The following FGF10 variants were observed in gnomAD, a reference collection of about 807,000 sequenced individuals.
FGF10 encodes fibroblast growth factor 10, also known as FGF-10.
A neutral mutation model predicts 19.8 loss-of-function variants in FGF10; 2 were observed. That is an observed-to-expected ratio of 0.10 (90% CI 0.04 to 0.32). The LOEUF (loss-of-function observed/expected upper bound fraction) is 0.32, where lower values mean the gene tolerates loss of function less well. Among genes scored for constraint, FGF10 ranks in the 10% least tolerant of loss-of-function variants. The pLI, the probability that FGF10 is intolerant of heterozygous loss-of-function variation, is 1.00. For missense variants in FGF10, 191 were observed against 246.3 expected, an observed-to-expected ratio of 0.78 and a Z score of 1.50; for synonymous variants, 112 against 94.0, an observed-to-expected ratio of 1.19 and a Z score of -1.10.
chr5:44,381,871 C>A (rs556043475), intron 1 of FGF10, among the ~76,000 whole-genome samples: 22 of 152,226 alleles, frequency 1.4e-4, no homozygotes, highest in African/African-American at 4.3e-4. Flanking sequence ...AGTTGTGGTG[C>A]AATTATTAGG....
intron 1 of FGF10, among the ~76,000 whole-genome samples, chr5:44,352,196 C>T (rs1444161526): frequency 6.6e-6 from 1 of 151,568 alleles, no homozygotes; most frequent in Non-Finnish European, 1.5e-5. Context: ...CCACTTACAC[C>T]GTTAGCAGGG....
chr5:44,356,866 T>G (rs889855141), intron 1 of FGF10, among the ~76,000 whole-genome samples: 4 of 151,264 alleles, frequency 2.6e-5, no homozygotes, highest in Non-Finnish European at 5.9e-5. Context: ...TGATGCAGTA[T>G]TACCCAACTG....
At chr5:44,317,688 A>G (rs1740380942) in intron 1 of FGF10, among the ~76,000 whole-genome samples, 1 of 152,204 alleles carries the variant, frequency 6.6e-6, no homozygotes, top group South Asian at 2.1e-4. Context: ...TTTCTTCACA[A>G]CACTGTGCTA....
intron 1 of FGF10, among the ~76,000 whole-genome samples, chr5:44,338,161 C>T (rs1045033639): frequency 2.6e-4 from 40 of 152,012 alleles, no homozygotes; most frequent in African/African-American, 9.4e-4. Flanking sequence ...ATTTTATGCT[C>T]ACAATTCTAT....
At chr5:44,342,605 G>A (rs931832471) in intron 1 of FGF10, among the ~76,000 whole-genome samples, 1 of 151,768 alleles carries the variant, frequency 6.6e-6, no homozygotes, top group African/African-American at 2.4e-5. Flanking sequence ...ACCACAGGCA[G>A]GAGGAAGACA....
At chr5:44,353,800 T>TG (rs1741286637) in intron 1 of FGF10, among the ~76,000 whole-genome samples, 8 of 150,658 alleles carry the variant, frequency 5.3e-5, no homozygotes, top group African/African-American at 1.9e-4. Flanking sequence ...TGAAAAAAGC[T>TG]GGGGGGCGGG....
chr5:44,325,978 A>T (rs1740606083), intron 1 of FGF10, among the ~76,000 whole-genome samples: 1 of 152,228 alleles, frequency 6.6e-6, no homozygotes. Flanking sequence ...AGTCACTATT[A>T]TTCAATAGGT....
intron 1 of FGF10, among the ~76,000 whole-genome samples, chr5:44,381,317 A>C (rs1439542963): frequency 6.6e-6 from 1 of 152,210 alleles, no homozygotes; most frequent in Non-Finnish European, 1.5e-5. Flanking sequence ...TTTTATGCAA[A>C]ATAAAAACAA....
chr5:44,310,624 G>A (rs919673268), intron 1 of FGF10, 94 bp from the exon 2 acceptor site: 18 of 946,602 alleles, frequency 1.9e-5, no homozygotes, highest in Admixed American at 6.1e-5. Flanking sequence ...TGTTTTTTGT[G>A]TGGTTCTAAA....
chr5:44,353,175 A>T (rs1348609733), intron 1 of FGF10, among the ~76,000 whole-genome samples: 1 of 151,580 alleles, frequency 6.6e-6, no homozygotes, highest in Non-Finnish European at 1.5e-5. Flanking sequence ...TTCTTAGTTA[A>T]TATTAGATTC....
intron 1 of FGF10, among the ~76,000 whole-genome samples, chr5:44,347,513 A>G (rs1741115482): frequency 6.6e-6 from 1 of 151,724 alleles, no homozygotes; most frequent in Non-Finnish European, 1.5e-5. Flanking sequence ...GTTTAGCAAA[A>G]CTATATCCAT....
chr5:44,349,164 A>G (rs1485907027), intron 1 of FGF10, among the ~76,000 whole-genome samples: 1 of 150,266 alleles, frequency 6.7e-6, no homozygotes, highest in Non-Finnish European at 1.5e-5. Flanking sequence ...CCCCTCTCCC[A>G]CTTTCTACTT....
Position 44,334,183 on chromosome 5 carries a change from A to AT in FGF10, c.326-23654dup, listed in dbSNP as rs561270475. Among the ~76,000 whole-genome samples, 14 of 152,060 alleles carry AT rather than the reference A, an allele frequency of 9.2e-5. No homozygotes were observed. In the South Asian group the frequency reaches 2.7e-3, roughly 29 times the overall value. On this transcript the variant is annotated intron_variant, in intron 1 of 2. Coordinates refer to ENST00000264664, the MANE Select transcript of FGF10 (RefSeq NM_004465.2). ...TTGTCTTGAAACTTTGTTATGCCCC[A>AT]TTTTTTTATTTTGAATGAGGATATA...
At chr5:44,354,404 T>TAATATATA (rs1741300540) in intron 1 of FGF10, among the ~76,000 whole-genome samples, 1 of 151,528 alleles carries the variant, frequency 6.6e-6, no homozygotes, top group Admixed American at 6.6e-5. Context: ...TTATAGTTAA[T>TAATATATA]ACTCTGTTAT....
intron 1 of FGF10, among the ~76,000 whole-genome samples, chr5:44,340,037 C>G (rs1740934132): frequency 6.6e-6 from 1 of 152,108 alleles, no homozygotes; most frequent in South Asian, 2.1e-4. Flanking sequence ...GTAGCCTCAT[C>G]TTTGTCCCAG....
intron 1 of FGF10, among the ~76,000 whole-genome samples, chr5:44,320,309 C>A (rs1341111369): frequency 6.6e-6 from 1 of 152,164 alleles, no homozygotes; most frequent in Non-Finnish European, 1.5e-5. Context: ...CCATGTATGG[C>A]CCATCCATTA....
chr5:44,318,020 G>T (rs1010006798), intron 1 of FGF10, among the ~76,000 whole-genome samples: 6 of 152,072 alleles, frequency 3.9e-5, no homozygotes, highest in African/African-American at 1.2e-4. Flanking sequence ...AGAAAAGCTT[G>T]TGTTCCCCTG....
intron 1 of FGF10, among the ~76,000 whole-genome samples, chr5:44,317,104 G>T (rs1246126326): frequency 6.6e-6 from 1 of 152,092 alleles, no homozygotes; most frequent in Admixed American, 6.6e-5. Context: ...TAAAAGGAGG[G>T]TACTAGACTG....
At chr5:44,305,255 A>T in intron 2 of FGF10, 63 bp from the exon 3 acceptor site, 1 of 1,483,568 alleles carries the variant, frequency 6.7e-7, no homozygotes, top group Non-Finnish European at 9.4e-7. Context: ...ATTTGATACA[A>T]GCCATCCAGA....
Sources: allele counts gnomAD v4.1 joint callset (sites outside exome capture counted in the v4.1 genomes callset), GRCh38; gene constraint gnomAD v4.1.1; transcripts MANE v1.5; gene names NCBI Gene and HGNC (gene_info 2026-07-23, HGNC 2026-07-21).